Variants in DGKB observed in about 807,000 individuals in gnomAD.
DGKB encodes the protein diacylglycerol kinase beta, also known as 90 kDa diacylglycerol kinase.
DGKB carries 67 observed loss-of-function variants against 114.3 expected under a neutral mutation model. That is an observed-to-expected ratio of 0.59 (90% CI 0.48 to 0.72). The LOEUF (loss-of-function observed/expected upper bound fraction) is 0.72, where lower values mean the gene tolerates loss of function less well. DGKB is among the 30% of genes least tolerant of loss of function. The probability of loss-of-function intolerance (pLI) is 0.00; values close to 1 mark genes in which losing one functional copy is unlikely to be tolerated. For missense variants in DGKB, 907 were observed against 975.2 expected, an observed-to-expected ratio of 0.93 and a Z score of 0.93; for synonymous variants, 398 against 323.1, an observed-to-expected ratio of 1.23 and a Z score of -2.49.
chr7:14,495,921 C>T (rs1356741292), intron 20 of DGKB, among the ~76,000 whole-genome samples: 1 of 151,440 alleles, frequency 6.6e-6, no homozygotes, highest in Non-Finnish European at 1.5e-5. Flanking sequence ...AAATTGACCA[C>T]ACAAAAAAAA....
In DGKB at chr7:14,246,795, T is replaced by C. The variant is rs1384908334; in HGVS notation, c.2123-68644A>G. Among the ~76,000 whole-genome samples the C allele has an allele frequency of 4.6e-5, 7 of 151,952 alleles. No homozygotes were observed. In the East Asian group the frequency reaches 1.3e-3, roughly 29 times the overall value. On this transcript the variant is annotated intron_variant, in intron 23 of 25. Transcript: ENST00000402815. The stretch of plus-strand genomic sequence containing the variant: ...CTAATTAACATATCATCTCACATTG[T>C]TACCTTTTGTGTGTGTGTGTGTTGC...
intron 20 of DGKB, among the ~76,000 whole-genome samples, chr7:14,482,310 T>C (rs532699461): frequency 4.6e-5 from 7 of 151,906 alleles, no homozygotes; most frequent in Non-Finnish European, 8.8e-5. Flanking sequence ...CTTTGGTTTA[T>C]TGAGATGGTT....
chr7:14,155,126 C>T (rs1366491098), intron 25 of DGKB, among the ~76,000 whole-genome samples: 1 of 152,066 alleles, frequency 6.6e-6, no homozygotes, highest in East Asian at 1.9e-4. Flanking sequence ...TTTTACTTCT[C>T]TTCCTAAGTG....
At chr7:14,811,864 G>T (rs1843487236) in intron 2 of DGKB, among the ~76,000 whole-genome samples, 1 of 151,228 alleles carries the variant, frequency 6.6e-6, no homozygotes, top group Admixed American at 6.6e-5. Flanking sequence ...TCACATTATT[G>T]TCTAACCATC....
intron 1 of DGKB, among the ~76,000 whole-genome samples, chr7:14,922,591 C>A (rs1312683971): frequency 6.6e-6 from 1 of 151,960 alleles, no homozygotes; most frequent in Non-Finnish European, 1.5e-5. Context: ...AGACAGGAGG[C>A]AGAAGCATAT....
chr7:14,967,216 A>C (rs1787204857), intron 1 of DGKB, among the ~76,000 whole-genome samples: 1 of 152,196 alleles, frequency 6.6e-6, no homozygotes, highest in Admixed American at 6.5e-5. Flanking sequence ...TGCTGGAGAA[A>C]ATCTAGGAGG....
At chr7:14,652,326 A>C (rs62443679) in intron 13 of DGKB, among the ~76,000 whole-genome samples, 4,223 of 152,246 alleles carry the variant, frequency 0.028, 69 homozygotes, top group South Asian at 0.039. Context: ...AACAGAACAG[A>C]GCCCTCAGAA....
At position 14,841,453 on chromosome 7, in the gene DGKB, G is replaced by A. The variant is rs188873363; in HGVS notation, c.-187-3C>T. On this transcript the variant is annotated splice_region_variant and splice_polypyrimidine_tract_variant and intron_variant, in intron 1 of 25. Coordinates refer to ENST00000402815, the MANE Select transcript of DGKB (RefSeq NM_001350709.2). ...AATTTCAATAATGTGTTAAAGAACTGCAAAAAAAAAAAACAGATCAAGATC... is the reference window on the plus strand; with the variant it reads ...AATTTCAATAATGTGTTAAAGAACTACAAAAAAAAAAAACAGATCAAGATC... 6.9e-6 allele frequency: 2 copies of A among 288,750 alleles called. No individual in the cohort carries two copies. The highest frequency in any genetic ancestry group is 8.0e-5 in the African/African-American group (1 of 12,442). The allele number at this position is 288,750 out of a possible 1,614,324, so 17.9% of individuals were successfully genotyped here.
intron 21 of DGKB, among the ~76,000 whole-genome samples, chr7:14,470,488 T>A (rs1781116668): frequency 6.6e-6 from 1 of 151,904 alleles, no homozygotes; most frequent in African/African-American, 2.4e-5. Context: ...CTTTCTTTAC[T>A]TTCACTGTTT....
At chr7:14,661,365 A>C (rs373228169) in intron 13 of DGKB, among the ~76,000 whole-genome samples, 1 of 145,960 alleles carries the variant, frequency 6.9e-6, no homozygotes, top group African/African-American at 2.5e-5. Context: ...CAAGAAAAAA[A>C]CAAACAACCC....
At chr7:14,172,913 A>T (rs542263618) in intron 25 of DGKB, among the ~76,000 whole-genome samples, 1 of 152,262 alleles carries the variant, frequency 6.6e-6, no homozygotes, top group Non-Finnish European at 1.5e-5. Context: ...CTACAGAATC[A>T]TATGTTCTAC....
chr7:14,857,725 T>A (rs1431322039), intron 1 of DGKB, among the ~76,000 whole-genome samples: 1 of 152,104 alleles, frequency 6.6e-6, no homozygotes, highest in Non-Finnish European at 1.5e-5. Context: ...TTTTTCTTTT[T>A]TATATATAGG....
At position 14,211,305 on chromosome 7, in the gene DGKB, CAT is replaced by C. The variant is rs1212672658; in HGVS notation, c.2123-33156_2123-33155del. On this transcript the variant is annotated intron_variant, in intron 23 of 25. Transcript: ENST00000402815. ...GCCTCTACTATGTGATATTTACTCT[CAT>C]GTTTTGTGATATTTACTCTCATGTT... is the stretch of plus-strand genomic sequence containing the variant. Among the ~76,000 whole-genome samples the C allele has an allele frequency of 1.0e-3, 112 of 110,852 alleles. 6 individuals are homozygous for C. Among genetic ancestry groups the C allele is most frequent in the African/African-American group, 6.0e-3 (109 of 18,212 alleles). 72.7% of individuals were successfully genotyped at this position (110,852 alleles called of 152,430 possible). A position where few individuals can be genotyped will look rare whatever the true frequency, so the allele number is the denominator to read the frequency against.
chr7:14,468,822 G>A (rs1259109020), intron 21 of DGKB, among the ~76,000 whole-genome samples: 1 of 151,714 alleles, frequency 6.6e-6, no homozygotes, highest in Non-Finnish European at 1.5e-5. Flanking sequence ...TACAAATCTT[G>A]TTTCTTTATT....
At chr7:14,313,441 CGAGGCA>C (rs1309657488) in intron 23 of DGKB, among the ~76,000 whole-genome samples, 3 of 152,122 alleles carry the variant, frequency 2.0e-5, no homozygotes, top group Non-Finnish European at 4.4e-5. Flanking sequence ...CGAAGCAGGG[CGAGGCA>C]TTGCCTCACT....
chr7:14,394,413 CATTA>C (rs1821915236), intron 21 of DGKB, among the ~76,000 whole-genome samples: 1 of 152,062 alleles, frequency 6.6e-6, no homozygotes, highest in South Asian at 2.1e-4. Flanking sequence ...AAGAATATAT[CATTA>C]ATTGTTTCTG....
chr7:14,292,204 G>A (rs1283620979), intron 23 of DGKB, among the ~76,000 whole-genome samples: 5 of 152,118 alleles, frequency 3.3e-5, no homozygotes, highest in South Asian at 2.1e-4. Context: ...GTCCCTTTCT[G>A]TAAGAACTTT....
At chr7:14,395,114 TC>T (rs1822023763) in intron 21 of DGKB, among the ~76,000 whole-genome samples, 1 of 152,114 alleles carries the variant, frequency 6.6e-6, no homozygotes, top group Admixed American at 6.5e-5. Context: ...TAAAAAATGA[TC>T]CTACAGCAAG....
At chr7:14,685,552 C>G (rs747996697) in intron 9 of DGKB, among the ~76,000 whole-genome samples, 190 bp from the exon 10 acceptor site, 23 of 152,160 alleles carry the variant, frequency 1.5e-4, no homozygotes, top group Non-Finnish European at 2.9e-5. Context: ...ATAGTGCTAA[C>G]AAATCACCGA....
Sources: allele counts gnomAD v4.1 joint callset (sites outside exome capture counted in the v4.1 genomes callset), GRCh38; gene constraint gnomAD v4.1.1; transcripts MANE v1.5; gene names NCBI Gene and HGNC (gene_info 2026-07-23, HGNC 2026-07-21).